The following DIAPH2 variants were observed in gnomAD, a reference collection of about 807,000 sequenced individuals.
The protein encoded by DIAPH2 is diaphanous related formin 2.
A neutral mutation model predicts 92.7 loss-of-function variants in DIAPH2; 35 were observed. The ratio of observed to expected loss-of-function variants is 0.38; its 90% CI spans 0.29 to 0.50. The LOEUF is 0.50. Among genes scored for constraint, DIAPH2 ranks in the 20% least tolerant of loss-of-function variants. DIAPH2 has a pLI of 0.94. For missense variants in DIAPH2, 701 were observed against 819.5 expected (o/e 0.86, Z 1.77); for synonymous variants, 301 against 280.4 (o/e 1.07, Z -0.73).
chrX:97,585,198 CA>C, intron 26 of DIAPH2, among the ~76,000 whole-genome samples: 1 of 108,690 alleles, frequency 9.2e-6, no homozygotes, highest in African/African-American at 3.3e-5. Context: ...AGTGAAAACA[CA>C]AAACTGTAAA....
intron 26 of DIAPH2, among the ~76,000 whole-genome samples, chrX:97,517,234 A>C (rs2070955823): frequency 8.9e-6 from 1 of 112,247 alleles, no homozygotes; most frequent in Admixed American, 9.5e-5. Flanking sequence ...GAACTGGATA[A>C]TTTTATTTAT....
chrX:97,191,808 C>T (rs778612559), intron 22 of DIAPH2, among the ~76,000 whole-genome samples: 3 of 111,225 alleles, frequency 2.7e-5, no homozygotes, highest in East Asian at 5.7e-4. Flanking sequence ...AGAAAAGTGA[C>T]TGGATAGCAG....
At chrX:96,930,523 A>T (rs1021128359) in intron 9 of DIAPH2, among the ~76,000 whole-genome samples, 3 of 111,488 alleles carry the variant, frequency 2.7e-5, no homozygotes, top group African/African-American at 9.7e-5. Flanking sequence ...CTTGGTCATC[A>T]CATCTTTGTT....
chrX:97,532,743 A>T (rs1419251837), intron 26 of DIAPH2, among the ~76,000 whole-genome samples: 2 of 112,323 alleles, frequency 1.8e-5, no homozygotes, highest in African/African-American at 3.2e-5. Flanking sequence ...AAACTGGTAA[A>T]TATTCCTTCT....
At chrX:96,723,424 A>T (rs188678438) in intron 1 of DIAPH2, among the ~76,000 whole-genome samples, 21 of 111,547 alleles carry the variant, frequency 1.9e-4, no homozygotes, top group Non-Finnish European at 3.2e-4. Context: ...CCCTTTATGT[A>T]CCATCACTGG....
chrX:96,991,623 G>A (rs1231060021), intron 17 of DIAPH2, among the ~76,000 whole-genome samples: 1 of 101,183 alleles, frequency 9.9e-6, no homozygotes, highest in Non-Finnish European at 2.0e-5. Context: ...TTTTCATCAA[G>A]CTTTACAGTA....
chrX:97,134,557 C>G (rs1360583141), intron 21 of DIAPH2, among the ~76,000 whole-genome samples: 2 of 111,010 alleles, frequency 1.8e-5, no homozygotes, highest in African/African-American at 6.6e-5. Context: ...AATTGCTGGA[C>G]CAAACCCTCA....
intron 24 of DIAPH2, among the ~76,000 whole-genome samples, chrX:97,367,342 G>A (rs1234558787): frequency 8.9e-6 from 1 of 111,747 alleles, no homozygotes; most frequent in East Asian, 2.8e-4. Flanking sequence ...TTTACATTGT[G>A]CAATGTAGCT....
chrX:97,195,790 AT>A (rs1396961295), intron 22 of DIAPH2, among the ~76,000 whole-genome samples: 21 of 110,759 alleles, frequency 1.9e-4, no homozygotes, highest in Non-Finnish European at 3.2e-4. Context: ...TATTAAAAAA[AT>A]AAAAGGGAAG....
chrX:96,729,270 T>C (rs2064040178), intron 1 of DIAPH2, among the ~76,000 whole-genome samples: 1 of 112,274 alleles, frequency 8.9e-6, no homozygotes, highest in African/African-American at 3.2e-5. Context: ...CAAGATATTT[T>C]CCTTTCACAG....
chrX:97,103,869 C>A (rs1476951701), intron 20 of DIAPH2, among the ~76,000 whole-genome samples: 1 of 111,857 alleles, frequency 8.9e-6, no homozygotes, highest in African/African-American at 3.2e-5. Context: ...GCTCATTATG[C>A]CTCAGCCACA....
intron 23 of DIAPH2, among the ~76,000 whole-genome samples, chrX:97,253,518 C>G (rs186740141): frequency 1.2e-4 from 13 of 109,023 alleles, no homozygotes; most frequent in South Asian, 4.0e-4. Context: ...GAGGCCGAGG[C>G]GGGTGGATGA....
At chrX:97,454,382 T>C (rs994399359) in intron 26 of DIAPH2, among the ~76,000 whole-genome samples, 3 of 110,783 alleles carry the variant, frequency 2.7e-5, no homozygotes, top group African/African-American at 1.0e-4. Context: ...GTCTCAACTA[T>C]GTAAAAAAAA....
intron 17 of DIAPH2, among the ~76,000 whole-genome samples, chrX:97,038,211 C>T (rs1255979324): frequency 1.8e-5 from 2 of 111,338 alleles, no homozygotes; most frequent in Admixed American, 9.6e-5. Flanking sequence ...GTGGCTGAGT[C>T]GTATTCCATA....
chrX:97,061,813 C>CAAA (rs11364777), intron 17 of DIAPH2, among the ~76,000 whole-genome samples: 58 of 38,716 alleles, frequency 1.5e-3, no homozygotes, highest in Non-Finnish European at 1.4e-3. Context: ...GACTCCGTCT[C>CAAA]AAAAAAAAAA....
At chrX:96,928,331 GT>G (rs2065597261) in intron 9 of DIAPH2, among the ~76,000 whole-genome samples, 1 of 110,932 alleles carries the variant, frequency 9.0e-6, no homozygotes, top group African/African-American at 3.3e-5. Flanking sequence ...GGTGATAATA[GT>G]TTGGGATTTC....
chrX:97,574,150 A>T (rs2071387095), intron 26 of DIAPH2, among the ~76,000 whole-genome samples: 1 of 112,014 alleles, frequency 8.9e-6, no homozygotes, highest in African/African-American at 3.2e-5. Context: ...GGAACTATGA[A>T]TTTAATTCTG....
intron 26 of DIAPH2, among the ~76,000 whole-genome samples, chrX:97,500,501 G>C (rs2070787424): frequency 9.1e-6 from 1 of 109,807 alleles, no homozygotes; most frequent in African/African-American, 3.3e-5. Context: ...CATGCTCTGG[G>C]GGAAGGAATT....
intron 1 of DIAPH2, among the ~76,000 whole-genome samples, chrX:96,693,656 C>T (rs967075059): frequency 8.9e-6 from 1 of 112,202 alleles, no homozygotes; most frequent in Non-Finnish European, 1.9e-5. Context: ...CCTGGGGCTG[C>T]GTTTTCTGAT....
Sources: gnomAD v4.1 joint callset for allele counts (sites outside exome capture counted in the v4.1 genomes callset) on GRCh38, gnomAD v4.1.1 for gene constraint, MANE v1.5 for transcripts, NCBI Gene and HGNC (gene_info 2026-07-23, HGNC 2026-07-21) for gene names.